PCCA: variants seen among roughly 807,000 people sequenced by gnomAD.
PCCA encodes propionyl-CoA carboxylase subunit alpha.
A neutral mutation model predicts 101.3 loss-of-function variants in PCCA; 74 were observed. That is an observed-to-expected ratio of 0.73 (90% CI 0.61 to 0.89). PCCA has a LOEUF of 0.89. Among genes scored for constraint, PCCA ranks in the 40% least tolerant of loss-of-function variants. The pLI is 0.00. For missense variants in PCCA, 891 were observed against 907.0 expected (o/e 0.98, Z 0.23); for synonymous variants, 294 against 313.6 (o/e 0.94, Z 0.66).
At chr13:100,403,642 G>C (rs2077499960) in intron 19 of PCCA, among the ~76,000 whole-genome samples, 2 of 152,072 alleles carry the variant, frequency 1.3e-5, no homozygotes, top group African/African-American at 4.8e-5. Context: ...TAAGGATGGG[G>C]TTCTTTGTCC....
rs2081041893 is a variant in PCCA, at chr13:100,449,115, A to G, written c.1846-137A>G. On this transcript the variant is annotated intron_variant, in intron 20 of 23. Transcript: ENST00000376285. The stretch of plus-strand genomic sequence containing the variant: ...TCATTCCTTTTTATGGCCAAATAAT[A>G]TTCCACTGTATGGCTATACTATATT... 6 of 554,356 alleles carry G rather than the reference A, an allele frequency of 1.1e-5. No homozygotes were observed. In the South Asian group the frequency reaches 1.7e-4, roughly 16 times the overall value. The allele number at this position is 554,356 out of a possible 1,614,324, so 34.3% of individuals were successfully genotyped here. A position where few individuals can be genotyped will look rare whatever the true frequency, so the allele number is the denominator to read the frequency against.
intron 12 of PCCA, among the ~76,000 whole-genome samples, chr13:100,278,789 T>C (rs1029603403): frequency 4.6e-5 from 7 of 152,334 alleles, no homozygotes; most frequent in African/African-American, 1.7e-4. Flanking sequence ...GTAGTTGATA[T>C]TTTTATCGAA....
At chr13:100,209,042 G>T (rs995956781) in intron 6 of PCCA, among the ~76,000 whole-genome samples, 5 of 152,160 alleles carry the variant, frequency 3.3e-5, no homozygotes, top group Admixed American at 2.6e-4. Flanking sequence ...GGTGGTGTAG[G>T]ACGTTATATA....
At chr13:100,169,880 A>G (rs1241561968) in intron 6 of PCCA, among the ~76,000 whole-genome samples, 2 of 152,032 alleles carry the variant, frequency 1.3e-5, no homozygotes, top group African/African-American at 2.4e-5. Flanking sequence ...TTGTATTTTT[A>G]GTAGAGACGG....
intron 6 of PCCA, among the ~76,000 whole-genome samples, chr13:100,167,901 G>A (rs977443567): frequency 6.6e-6 from 1 of 151,888 alleles, no homozygotes; most frequent in African/African-American, 2.4e-5. Context: ...TGAGTAGCTG[G>A]GATTATAGGC....
At chr13:100,186,248 A>G (rs951321670) in intron 6 of PCCA, among the ~76,000 whole-genome samples, 1 of 152,226 alleles carries the variant, frequency 6.6e-6, no homozygotes, top group African/African-American at 2.4e-5. Context: ...AAAATGGACT[A>G]TTCAATGATC....
chr13:100,216,583 T>C (rs1299020307), intron 7 of PCCA, among the ~76,000 whole-genome samples: 1 of 152,222 alleles, frequency 6.6e-6, no homozygotes, highest in African/African-American at 2.4e-5. Context: ...GAATGAATAA[T>C]ATTCTAGGAG....
chr13:100,161,714 G>A (rs921238349), intron 6 of PCCA: 5 of 151,898 alleles, frequency 3.3e-5, no homozygotes, highest in Admixed American at 6.6e-5. Context: ...TGCAAGCCCA[G>A]GGTTGTTTAT....
intron 1 of PCCA, among the ~76,000 whole-genome samples, chr13:100,100,818 G>A (rs943529529): frequency 1.3e-5 from 2 of 149,308 alleles, no homozygotes; most frequent in African/African-American, 2.5e-5. Context: ...ACAGTGTTTC[G>A]CTCTTTTTGC....
intron 6 of PCCA, among the ~76,000 whole-genome samples, chr13:100,164,599 C>G (rs538347564): frequency 4.6e-5 from 7 of 152,210 alleles, no homozygotes; most frequent in Non-Finnish European, 7.4e-5. Context: ...TTTCACAGAT[C>G]CAAATATCAT....
chr13:100,345,601 C>T (rs959062812), intron 18 of PCCA, among the ~76,000 whole-genome samples: 1 of 152,150 alleles, frequency 6.6e-6, no homozygotes, highest in African/African-American at 2.4e-5. Context: ...AAGCTTGCAG[C>T]AAGTTATCCA....
intron 19 of PCCA, among the ~76,000 whole-genome samples, chr13:100,424,305 C>T (rs1282309655): frequency 6.6e-6 from 1 of 151,986 alleles, no homozygotes; most frequent in Non-Finnish European, 1.5e-5. Flanking sequence ...ATCTGCAGGG[C>T]GGGGCGGGGG....
chr13:100,112,783 C>CCAGG (rs1244262716), intron 4 of PCCA, among the ~76,000 whole-genome samples: 1 of 151,978 alleles, frequency 6.6e-6, no homozygotes, highest in African/African-American at 2.4e-5. Context: ...ACCAAGTTGG[C>CCAGG]CAGGCTGGTG....
intron 6 of PCCA, among the ~76,000 whole-genome samples, chr13:100,173,247 G>A (rs2055886826): frequency 1.3e-5 from 2 of 152,184 alleles, no homozygotes; most frequent in South Asian, 4.1e-4. Flanking sequence ...TGTCTACAGT[G>A]TGCTGGTTCT....
chr13:100,455,756 G>GT (rs1338738925), intron 21 of PCCA, among the ~76,000 whole-genome samples: 1 of 152,022 alleles, frequency 6.6e-6, no homozygotes, highest in Non-Finnish European at 1.5e-5. Context: ...CTGGTGTGCA[G>GT]TAGTGCAGTC....
intron 19 of PCCA, among the ~76,000 whole-genome samples, chr13:100,419,376 G>A (rs1027541588): frequency 2.0e-5 from 3 of 152,024 alleles, no homozygotes; most frequent in Admixed American, 6.6e-5. Flanking sequence ...GGAGGCTGAG[G>A]TAGGAGAATT....
chr13:100,359,165 C>T (rs2074297857), intron 18 of PCCA, among the ~76,000 whole-genome samples: 1 of 150,168 alleles, frequency 6.7e-6, no homozygotes, highest in African/African-American at 2.5e-5. Context: ...GCCTCGGTGA[C>T]TTGTGGGCAC....
At chr13:100,505,493 A>G (rs1386720049) in intron 21 of PCCA, among the ~76,000 whole-genome samples, 2 of 152,228 alleles carry the variant, frequency 1.3e-5, no homozygotes, top group East Asian at 3.8e-4. Context: ...GCTCTCAAAC[A>G]TGGAGAGCAT....
At chr13:100,352,947 A>G (rs2073454083) in intron 18 of PCCA, among the ~76,000 whole-genome samples, 1 of 152,060 alleles carries the variant, frequency 6.6e-6, no homozygotes, top group Admixed American at 6.6e-5. Flanking sequence ...AAATGCCTGG[A>G]CTCAAGTAAT....
Sources: allele counts gnomAD v4.1 joint callset (sites outside exome capture counted in the v4.1 genomes callset), GRCh38; gene constraint gnomAD v4.1.1; transcripts MANE v1.5; gene names NCBI Gene and HGNC (gene_info 2026-07-23, HGNC 2026-07-21).